Variants in CHSY1 observed in about 807,000 individuals in gnomAD.
CHSY1 encodes chondroitin sulfate synthase 1, also known as N-acetylgalactosaminyl-proteoglycan 3-beta-glucuronosyltransferase 1.
Under a neutral mutation model 59.8 loss-of-function variants are expected in CHSY1, and 13 were observed. The ratio of observed to expected loss-of-function variants is 0.22; its 90% confidence interval spans 0.14 to 0.35. The LOEUF (loss-of-function observed/expected upper bound fraction) is 0.35. Ranked by LOEUF, CHSY1 falls within the 10% of genes least tolerant of loss-of-function variation. The pLI is 1.00. For missense variants in CHSY1, 947 were observed against 1,030.6 expected (o/e 0.92, Z 1.11); for synonymous variants, 459 against 401.2 (o/e 1.14, Z -1.72).
intron 2 of CHSY1, among the ~76,000 whole-genome samples, chr15:101,231,006 C>T (rs561022117): frequency 1.3e-4 from 20 of 152,204 alleles, no homozygotes; most frequent in Non-Finnish European, 1.9e-4. Context: ...TTTTGGTGTG[C>T]GGGTGTAACA....
rs1418803838 is a variant in CHSY1, at chr15:101,196,669, A to C, written c.817-17689T>G. Among the ~76,000 whole-genome samples, 4 of 152,204 alleles carry C rather than the reference A, an allele frequency of 2.6e-5. No individual in the cohort carries two copies. In the South Asian group the frequency reaches 6.2e-4, roughly 24 times the overall value. Reference sequence around the variant, plus strand: ...TATGCGAACTATAGGACGATTAGCCAACACCAGCAATAAAGCCACAATTTA... The same window carrying C: ...TATGCGAACTATAGGACGATTAGCCCACACCAGCAATAAAGCCACAATTTA... On this transcript the variant is annotated intron_variant, in intron 2 of 2. Transcript: ENST00000254190.
chr15:101,222,258 G>A (rs1255378260), intron 2 of CHSY1, among the ~76,000 whole-genome samples: 1 of 152,158 alleles, frequency 6.6e-6, no homozygotes, highest in Non-Finnish European at 1.5e-5. Flanking sequence ...TTTCCCCTTG[G>A]CATGGAGAAG....
chr15:101,218,073 T>C (rs1053231088), intron 2 of CHSY1, among the ~76,000 whole-genome samples: 2 of 152,164 alleles, frequency 1.3e-5, no homozygotes, highest in Admixed American at 1.3e-4. Flanking sequence ...GCCAATCTAA[T>C]TGTGAGAAAA....
intron 2 of CHSY1, among the ~76,000 whole-genome samples, chr15:101,209,047 T>C (rs2038657014): frequency 6.6e-6 from 1 of 152,142 alleles, no homozygotes. Flanking sequence ...GAACAGGATA[T>C]TTACAGTCTC....
intron 1 of CHSY1, among the ~76,000 whole-genome samples, chr15:101,240,067 G>A (rs1167445050): frequency 6.6e-6 from 1 of 152,124 alleles, no homozygotes; most frequent in Non-Finnish European, 1.5e-5. Context: ...ATTATTATCT[G>A]TTCCTTTTTA....
At chr15:101,231,035 G>A (rs1334105776) in intron 2 of CHSY1, among the ~76,000 whole-genome samples, 2 of 152,200 alleles carry the variant, frequency 1.3e-5, no homozygotes, top group Admixed American at 6.5e-5. Context: ...TTCCATGTGT[G>A]CCCAGATAAC....
In CHSY1 at chr15:101,251,192, C is replaced by T; in HGVS notation, c.265G>A (p.Val89Met). 6.2e-7 allele frequency: 1 copy of T among 1,600,850 alleles called. No individual in the cohort carries two copies. The highest frequency in any genetic ancestry group is 8.5e-7 in the Non-Finnish European group (1 of 1,176,846). The change falls in exon 1 of 3, where the codon GTG becomes ATG. Residue 89 changes from valine to methionine, a missense_variant. This residue lies in a region of CHSY1 where 232 missense variants were observed against 188.5 expected (regional missense o/e 1.23). Transcript: ENST00000254190. ...GGPRDRNFLFVGVMTAQKYLQ... is the reference protein window; with the variant it reads ...GGPRDRNFLFMGVMTAQKYLQ... ...TATTTCTGGGCGGTCATGACTCCCA[C>T]GAAGAGAAAGTTCCTGTCGCGCGGG...
At chr15:101,236,358 C>A (rs919722102) in intron 1 of CHSY1, among the ~76,000 whole-genome samples, 1 of 152,210 alleles carries the variant, frequency 6.6e-6, no homozygotes, top group Admixed American at 6.5e-5. Flanking sequence ...TTCCCCCACA[C>A]TGTTCTCATG....
chr15:101,240,788 G>T (rs923545967), intron 1 of CHSY1, among the ~76,000 whole-genome samples: 1 of 152,290 alleles, frequency 6.6e-6, no homozygotes, highest in Middle Eastern at 3.4e-3. Flanking sequence ...CAAGCTTAGC[G>T]TTCCAATAAT....
At position 101,199,143 on chromosome 15, in the gene CHSY1, CTG is replaced by C. The variant is rs375814428; in HGVS notation, c.817-20165_817-20164del. On this transcript the variant is annotated intron_variant, in intron 2 of 2. Transcript: ENST00000254190. ...TGTGTTTTCCTGACACCAAGACACT[CTG>C]TTACATTTGTGGACACTGCGCCTCC... Among the ~76,000 whole-genome samples, 158 of 152,346 alleles carry C rather than the reference CTG, an allele frequency of 1.0e-3. 2 individuals carry two copies. In the East Asian group the frequency reaches 0.027, roughly 26 times the overall value.
At position 101,177,779 on chromosome 15, in the gene CHSY1, A is replaced by G; in HGVS notation, c.2018T>C (p.Val673Ala). 6.2e-7 allele frequency: 1 copy of G among 1,614,224 alleles called. No individual in the cohort carries two copies. Among genetic ancestry groups the G allele is most frequent in the South Asian group, 1.1e-5 (1 of 91,088 alleles). ...YDPKIVYSGK[V>A]PSDNHFAFTQ... ...AAAGGCAAAATGGTTGTCACTGGGA[A>G]CTTTCCCACTATAAACAATCTTTGG... Residue 673 changes from valine (V) to alanine (A), a missense_variant, in exon 3 of 3, where the codon GTT (valine) becomes GCT (alanine). Physicochemically the swap from Val to Ala is moderately conservative, Grantham distance 64. Around this residue, in one of 4 missense-constraint regions of CHSY1, gnomAD observed 602 missense variants for 676.9 expected, o/e 0.89. Coordinates refer to ENST00000254190, the MANE Select transcript of CHSY1 (RefSeq NM_014918.5).
At chr15:101,226,892 T>C (rs146739227) in intron 2 of CHSY1, among the ~76,000 whole-genome samples, 9 of 152,324 alleles carry the variant, frequency 5.9e-5, no homozygotes, top group African/African-American at 2.2e-4. Context: ...CATCTAATTA[T>C]AAAAAGCAAA....
At chr15:101,230,357 AG>A (rs1291070862) in intron 2 of CHSY1, among the ~76,000 whole-genome samples, 1 of 152,218 alleles carries the variant, frequency 6.6e-6, no homozygotes, top group Non-Finnish European at 1.5e-5. Context: ...TGAGTGAGGA[AG>A]GAACTACTGG....
chr15:101,215,351 G>C (rs189903944), intron 2 of CHSY1, among the ~76,000 whole-genome samples: 163 of 152,238 alleles, frequency 1.1e-3, no homozygotes, highest in African/African-American at 3.6e-3. Context: ...AGTTTTCAAG[G>C]CCATAAAAAG....
rs2039112551 is a variant in CHSY1, at chr15:101,251,487, C to CCGCCGCCGCCGCCGCCGCCGCCGG, written c.-32_-31insCCGGCGGCGGCGGCGGCGGCGGCG. 1.7e-6 allele frequency: 1 copy of CCGCCGCCGCCGCCGCCGCCGCCGG among 599,400 alleles called. No individual in the cohort carries two copies. Among genetic ancestry groups the CCGCCGCCGCCGCCGCCGCCGCCGG allele is most frequent in the Admixed American group, 6.5e-5 (1 of 15,268 alleles). The allele number at this position is 599,400 out of a possible 1,614,324, so 37.1% of individuals were successfully genotyped here. The stretch of plus-strand genomic sequence containing the variant: ...CGCCGCTCCGCCCGCCGGGCCGCCG[C>CCGCCGCCGCCGCCGCCGCCGCCGG]CGCAGGCTCCGCGCGCCCTCAGCCC... On this transcript the variant is annotated 5_prime_UTR_variant, in exon 1 of 3. Transcript: ENST00000254190.
chr15:101,180,143 T>C (rs2038256724), intron 2 of CHSY1, among the ~76,000 whole-genome samples: 1 of 152,220 alleles, frequency 6.6e-6, no homozygotes, highest in Non-Finnish European at 1.5e-5. Context: ...AACTACCGTT[T>C]AATAGTAGAG....
intron 2 of CHSY1, among the ~76,000 whole-genome samples, chr15:101,182,041 T>C (rs1040764076): frequency 2.0e-5 from 3 of 152,232 alleles, no homozygotes; most frequent in African/African-American, 7.2e-5. Flanking sequence ...GTATTAATAC[T>C]GTGAGTTTAC....
At chr15:101,203,483 A>G (rs34969439) in intron 2 of CHSY1, among the ~76,000 whole-genome samples, 16,083 of 152,282 alleles carry the variant, frequency 0.11, 908 homozygotes, top group East Asian at 0.2. Flanking sequence ...GACAAACATC[A>G]TTAATTCAAG....
At chr15:101,251,102 A>C (rs28433507) in intron 1 of CHSY1, 35 bp downstream of exon 1, 15 of 1,538,748 alleles carry the variant, frequency 9.7e-6, no homozygotes, top group East Asian at 2.4e-5. Flanking sequence ...GGGATGCCGG[A>C]CGCAGGAGGC....
Sources: gnomAD v4.1 joint callset for allele counts (sites outside exome capture counted in the v4.1 genomes callset) on GRCh38, gnomAD v4.1.1 for gene constraint, gnomAD v4.1.1 regional missense constraint, MANE v1.5 for transcripts, NCBI Gene and HGNC (gene_info 2026-07-23, HGNC 2026-07-21) for gene names.